Variants in DPP6 observed in about 807,000 individuals in gnomAD.
DPP6 encodes the protein dipeptidyl peptidase like 6.
In DPP6, 69 loss-of-function variants were observed where a neutral mutation model predicts 122.6. The observed-to-expected ratio is 0.56, with a 90% CI of 0.46 to 0.69. DPP6 has a LOEUF of 0.69. DPP6 is among the 30% of genes least tolerant of loss of function. The probability of loss-of-function intolerance (pLI) is 0.00; values close to 1 mark genes in which losing one functional copy is unlikely to be tolerated. For synonymous variants in DPP6, 418 were observed against 433.1 expected, an observed-to-expected ratio of 0.97 and a Z score of 0.43; for missense variants, 928 against 1,116.9, an observed-to-expected ratio of 0.83 and a Z score of 2.41.
In DPP6 at chr7:154,041,233, G is replaced by T. The variant is rs539776294; in HGVS notation, c.51+153499G>T. On this transcript the variant is annotated intron_variant, in intron 1 of 25. Coordinates refer to the DPP6 transcript ENST00000404039. ...GAGCATTGACACACATTTGCCTCCA[G>T]ATTTTCTAGTTGAAGAAATGTGCAA... 1.6e-3 allele frequency among the ~76,000 whole-genome samples: 249 copies of T among 152,180 alleles called. 1 individual carries two copies. The highest frequency in any genetic ancestry group is 2.9e-3 in the Non-Finnish European group (194 of 68,006).
chr7:154,588,081 G>T, intron 5 of DPP6: 4 of 1,603,228 alleles, frequency 2.5e-6, no homozygotes, highest in Non-Finnish European at 3.4e-6. Flanking sequence ...GAGCAACCGA[G>T]TGAGCCTTGC....
At chr7:154,456,701 CTCAATGTGATCACATGTGT>C (rs1016918168) in intron 2 of DPP6, among the ~76,000 whole-genome samples, 8 of 152,256 alleles carry the variant, frequency 5.3e-5, no homozygotes, top group African/African-American at 1.9e-4. Context: ...CCAATGGAAC[CTCAATGTGATCACATGTGT>C]TCTTATAAGA....
At chr7:154,050,318 C>T (rs1269170825), upstream of DPP6, among the ~76,000 whole-genome samples, 1 of 152,172 alleles carries the variant, frequency 6.6e-6, no homozygotes, top group African/African-American at 2.4e-5. Context: ...GGCACATATG[C>T]TTTATCCCAA....
chr7:153,836,340 C>A, the DPP6 span, among the ~76,000 whole-genome samples: 3 of 151,914 alleles, frequency 2.0e-5, no homozygotes, highest in African/African-American at 7.3e-5. Flanking sequence ...AGCATTTGTA[C>A]GTGGGGTGGG....
intron 1 of DPP6, among the ~76,000 whole-genome samples, chr7:154,175,212 C>T (rs983141146): frequency 4.6e-5 from 7 of 152,120 alleles, no homozygotes; most frequent in African/African-American, 1.4e-4. Context: ...CCTATGATCT[C>T]TGTCACCTGG....
intron 1 of DPP6, among the ~76,000 whole-genome samples, chr7:154,208,323 G>T (rs1424113927): frequency 6.6e-6 from 1 of 152,138 alleles, no homozygotes; most frequent in Non-Finnish European, 1.5e-5. Flanking sequence ...GCATTTCCTT[G>T]GCCAAAAATA....
intron 1 of DPP6, among the ~76,000 whole-genome samples, chr7:154,245,230 G>A (rs1244934647): frequency 6.6e-6 from 1 of 151,856 alleles, no homozygotes; most frequent in Admixed American, 6.6e-5. Flanking sequence ...TGAGATTACA[G>A]GTGTGAGCCA....
chr7:153,839,603 G>A, the DPP6 span, among the ~76,000 whole-genome samples: 1 of 152,334 alleles, frequency 6.6e-6, no homozygotes, highest in Non-Finnish European at 1.5e-5. Context: ...TGCATGGACA[G>A]ATTTCTCTCC....
At chr7:154,628,516 C>T (rs188248419) in intron 5 of DPP6, among the ~76,000 whole-genome samples, 1 of 152,266 alleles carries the variant, frequency 6.6e-6, no homozygotes, top group East Asian at 1.9e-4. Context: ...AAAAGTGACA[C>T]CCTCAACTGG....
chr7:154,625,475 C>T (rs1835006719), intron 5 of DPP6, among the ~76,000 whole-genome samples: 1 of 152,170 alleles, frequency 6.6e-6, no homozygotes, highest in South Asian at 2.1e-4. Flanking sequence ...TCTAGTGTGC[C>T]TTCTTATAAA....
At position 154,764,545 on chromosome 7, in the gene DPP6, G is replaced by A. The variant is rs191572572; in HGVS notation, c.884-4872G>A. Among the ~76,000 whole-genome samples, 97 of 152,282 alleles carry A rather than the reference G, an allele frequency of 6.4e-4. 1 individual carries two copies. The highest frequency in any genetic ancestry group is 2.2e-3 in the African/African-American group (93 of 41,570). On this transcript the variant is annotated intron_variant, in intron 8 of 25. Transcript: ENST00000377770. ...TGGGAGGCCGTGTGCCCACCTACAA[G>A]CCATTGGTTCTTTTACTAAAAAGAG... is the stretch of plus-strand genomic sequence containing the variant.
chr7:153,767,299 T>G, the DPP6 span, among the ~76,000 whole-genome samples: 1 of 152,162 alleles, frequency 6.6e-6, no homozygotes, highest in Admixed American at 6.5e-5. Context: ...TAAATGCAAT[T>G]TTGATGATAA....
chr7:154,289,438 G>A (rs897669787), intron 1 of DPP6, among the ~76,000 whole-genome samples: 5 of 152,144 alleles, frequency 3.3e-5, no homozygotes, highest in African/African-American at 1.2e-4. Context: ...TTGAATCCAG[G>A]GTGAAAGTCA....
chr7:154,446,157 C>T (rs1563684656), intron 1 of DPP6, 57 bp from the exon 2 acceptor site: 18 of 1,101,638 alleles, frequency 1.6e-5, no homozygotes, highest in Non-Finnish European at 2.4e-5. Context: ...GTCTATTTGG[C>T]TTATTTTATT....
intron 1 of DPP6, among the ~76,000 whole-genome samples, chr7:154,424,823 C>T (rs1019585648): frequency 5.3e-5 from 8 of 152,312 alleles, no homozygotes; most frequent in African/African-American, 1.9e-4. Flanking sequence ...AAATGCTTCC[C>T]TGGCTCTTCT....
At chr7:153,763,177 T>G in the DPP6 span, among the ~76,000 whole-genome samples, 1 of 152,110 alleles carries the variant, frequency 6.6e-6, no homozygotes, top group Non-Finnish European at 1.5e-5. Flanking sequence ...CTTCCATTTA[T>G]TTCCTTTCCA....
intron 1 of DPP6, among the ~76,000 whole-genome samples, chr7:153,989,508 G>T (rs1376405659): frequency 6.6e-6 from 1 of 151,774 alleles, no homozygotes; most frequent in East Asian, 2.0e-4. Flanking sequence ...GGCACCCTGC[G>T]AGTTTTCACC....
At chr7:154,742,696 G>A (rs1014220277) in intron 8 of DPP6, among the ~76,000 whole-genome samples, 1 of 152,240 alleles carries the variant, frequency 6.6e-6, no homozygotes, top group Admixed American at 6.5e-5. Flanking sequence ...GTCTCATCGT[G>A]CCACTGGGAG....
At chr7:154,795,716 C>A in intron 11 of DPP6, 129 bp from the exon 12 acceptor site, 9 of 1,329,712 alleles carry the variant, frequency 6.8e-6, no homozygotes, top group Non-Finnish European at 9.2e-6. Context: ...CTGTGCAATG[C>A]TTGTGCAGCG....
Sources: allele counts gnomAD v4.1 joint callset (sites outside exome capture counted in the v4.1 genomes callset), GRCh38; gene constraint gnomAD v4.1.1; transcripts MANE v1.5; gene names NCBI Gene and HGNC (gene_info 2026-07-23, HGNC 2026-07-21).